Variants in TRDN observed in about 807,000 individuals in gnomAD.
TRDN encodes the protein triadin in skeletal muscle.
TRDN carries 161 observed loss-of-function variants against 149.7 expected under a neutral mutation model. The observed-to-expected ratio is 1.08, with a 90% CI of 0.95 to 1.23. The LOEUF is 1.23. TRDN is among the 50% of genes most tolerant of loss of function. The pLI is 0.00. For synonymous variants in TRDN, 294 were observed against 250.5 expected, an observed-to-expected ratio of 1.17 and a Z score of -1.64; for missense variants, 896 against 823.5, an observed-to-expected ratio of 1.09 and a Z score of -1.08.
At chr6:123,365,606 T>C (rs1781066131) in intron 20 of TRDN, among the ~76,000 whole-genome samples, 1 of 152,206 alleles carries the variant, frequency 6.6e-6, no homozygotes, top group Non-Finnish European at 1.5e-5. Context: ...GATAGGCTTA[T>C]TAAATTGTCT....
At chr6:123,494,472 T>C (rs1027497201) in intron 9 of TRDN, among the ~76,000 whole-genome samples, 1 of 152,200 alleles carries the variant, frequency 6.6e-6, no homozygotes, top group African/African-American at 2.4e-5. Flanking sequence ...TATTTTATGA[T>C]CAACAAATAA....
Position 123,271,217 on chromosome 6 carries a change from G to T in TRDN, c.1673-31C>A, listed in dbSNP as rs1043903720. On this transcript the variant is annotated intron_variant, in intron 29 of 40. Transcript: ENST00000334268. ...ATAGGAAAAAATGTTAACACAAGTA[G>T]GAAATTTGAATACATCAGTGACATA... 9 of 1,465,830 alleles carry T rather than the reference G, an allele frequency of 6.1e-6. No individual in the cohort carries two copies. The Admixed American group carries it at 8.9e-5, about 15-fold the overall frequency. The allele number at this position is 1,465,830 out of a possible 1,614,324, so 90.8% of individuals were successfully genotyped here.
intron 1 of TRDN, among the ~76,000 whole-genome samples, chr6:123,628,985 T>C (rs1209062077): frequency 6.6e-6 from 1 of 152,110 alleles, no homozygotes; most frequent in Admixed American, 6.6e-5. Context: ...CAGATTTAAA[T>C]TCACAAACTT....
At chr6:123,533,713 A>C (rs952658006) in intron 4 of TRDN, among the ~76,000 whole-genome samples, 6 of 152,088 alleles carry the variant, frequency 3.9e-5, no homozygotes, top group African/African-American at 1.4e-4. Context: ...ACAAATCTCA[A>C]AGACTAGGGT....
At chr6:123,387,608 A>G (rs1781956153) in intron 14 of TRDN, among the ~76,000 whole-genome samples, 1 of 152,138 alleles carries the variant, frequency 6.6e-6, no homozygotes, top group Non-Finnish European at 1.5e-5. Context: ...TATAAAAATA[A>G]TTTTAACCTT....
chr6:123,598,185 C>T (rs1784121778), intron 1 of TRDN, among the ~76,000 whole-genome samples: 1 of 151,852 alleles, frequency 6.6e-6, no homozygotes, highest in Admixed American at 6.6e-5. Flanking sequence ...AGGGACTGAC[C>T]CTCCCTTCTA....
At chr6:123,253,081 T>C (rs1238621388) in intron 37 of TRDN, among the ~76,000 whole-genome samples, 2 of 152,088 alleles carry the variant, frequency 1.3e-5, no homozygotes, top group Non-Finnish European at 1.5e-5. Context: ...TACCAGACTA[T>C]AAAATACATC....
At position 123,536,238 on chromosome 6, in the gene TRDN, T is replaced by C. The variant is rs537801066; in HGVS notation, c.425-5673A>G. 9.2e-5 allele frequency among the ~76,000 whole-genome samples: 14 copies of C among 152,280 alleles called. No individual in the cohort carries two copies. The South Asian group carries it at 2.9e-3, about 32-fold the overall frequency. On this transcript the variant is annotated intron_variant, in intron 4 of 40. Coordinates refer to ENST00000334268, the MANE Select transcript of TRDN (RefSeq NM_006073.4). ...GAGGGCAAGAATTATGTCTATTTTG[T>C]TCCACATTAAATTTTCAATGCCTAA...
At chr6:123,224,031 C>T (rs779437669) in intron 39 of TRDN, 62 bp downstream of exon 39, 81 of 1,375,980 alleles carry the variant, frequency 5.9e-5, no homozygotes, top group Non-Finnish European at 7.3e-5. Flanking sequence ...AAAAAAAAGA[C>T]AGACAAAAAC....
intron 1 of TRDN, among the ~76,000 whole-genome samples, chr6:123,619,133 T>C (rs780918162): frequency 5.3e-5 from 8 of 152,188 alleles, no homozygotes; most frequent in Non-Finnish European, 1.0e-4. Context: ...ACATTAGAAG[T>C]GAGGAGATTA....
Position 123,497,240 on chromosome 6 carries a change from A to G in TRDN, c.806T>C (p.Phe269Ser). ...SKHEQKDQYAFCRYMIDIFVH... is the reference protein window; with the variant it reads ...SKHEQKDQYASCRYMIDIFVH... ...AAATATGTCAATCATATATCGACAG[A>G]ATGCATACTGATCTGACAGAGTAGA... Residue 269 changes from phenylalanine (F) to serine (S), a missense_variant, in exon 9 of 41, where the codon TTC (phenylalanine) becomes TCC (serine). Phe to Ser is a radical substitution (Grantham distance 155). Transcript: ENST00000334268. 1 of 1,550,062 alleles carries G rather than the reference A, an allele frequency of 6.5e-7. No individual in the cohort carries two copies. Among genetic ancestry groups the G allele is most frequent in the Non-Finnish European group, 8.7e-7 (1 of 1,149,710 alleles).
At chr6:123,498,041 C>T (rs892272972) in intron 8 of TRDN, 12 of 153,492 alleles carry the variant, frequency 7.8e-5, no homozygotes, top group African/African-American at 2.9e-4. Flanking sequence ...CCTCACAGAA[C>T]TTTAGATTCT....
intron 16 of TRDN, among the ~76,000 whole-genome samples, chr6:123,379,882 C>T (rs1291209625): frequency 1.3e-5 from 2 of 152,016 alleles, no homozygotes; most frequent in African/African-American, 4.8e-5. Context: ...CATCCTGTTT[C>T]CCTTAACCAT....
chr6:123,570,868 G>A, intron 2 of TRDN, 55 bp downstream of exon 2: 1 of 1,547,458 alleles, frequency 6.5e-7, no homozygotes, highest in Non-Finnish European at 8.9e-7. Flanking sequence ...AGGGGACACT[G>A]TTTCTTTCCA....
At chr6:123,470,343 T>C (rs1009206055) in intron 9 of TRDN, 3 of 152,048 alleles carry the variant, frequency 2.0e-5, no homozygotes, top group Non-Finnish European at 2.9e-5. Flanking sequence ...TGTTTCAAGG[T>C]AAAATAAGAA....
intron 37 of TRDN, 175 bp downstream of exon 37, chr6:123,254,906 T>G: frequency 1.8e-6 from 1 of 541,414 alleles, no homozygotes; most frequent in Non-Finnish European, 3.4e-6. Flanking sequence ...TTTCTTATTT[T>G]CTATTGAAAT....
chr6:123,493,690 GA>G (rs1049589001), intron 9 of TRDN, among the ~76,000 whole-genome samples: 5 of 152,120 alleles, frequency 3.3e-5, no homozygotes, highest in African/African-American at 4.8e-5. Context: ...ATCCCAAACA[GA>G]AACAGATGGA....
At chr6:123,516,621 C>A (rs1779422352) in intron 5 of TRDN, among the ~76,000 whole-genome samples, 1 of 152,046 alleles carries the variant, frequency 6.6e-6, no homozygotes, top group Non-Finnish European at 1.5e-5. Context: ...GAACTATCAA[C>A]TTAAACAGTA....
chr6:123,395,152 G>T (rs1772669442), intron 12 of TRDN, among the ~76,000 whole-genome samples: 1 of 152,092 alleles, frequency 6.6e-6, no homozygotes, highest in Admixed American at 6.6e-5. Flanking sequence ...AGTATGTAAA[G>T]TACCTTAGAA....
Sources: gnomAD v4.1 joint callset for allele counts (sites outside exome capture counted in the v4.1 genomes callset) on GRCh38, gnomAD v4.1.1 for gene constraint, MANE v1.5 for transcripts, NCBI Gene and HGNC (gene_info 2026-07-23, HGNC 2026-07-21) for gene names.